Variants in OTUD7A observed in about 807,000 individuals in gnomAD.
OTUD7A encodes the protein OTU domain-containing protein 7A.
In OTUD7A, 12 loss-of-function variants were observed where a neutral mutation model predicts 65.7. The observed-to-expected ratio is 0.18, with a 90% CI of 0.12 to 0.30. The LOEUF (loss-of-function observed/expected upper bound fraction) is 0.30, where lower values mean the gene tolerates loss of function less well. Among genes scored for constraint, OTUD7A ranks in the 10% least tolerant of loss-of-function variants. The pLI is 1.00. For missense variants in OTUD7A, 1,148 were observed against 1,304.8 expected (o/e 0.88, Z 1.85); for synonymous variants, 641 against 586.3 (o/e 1.09, Z -1.35).
chr15:31,479,509 T>TA lies in OTUD7A; in HGVS notation c.*3784dup, dbSNP rs773683665. 2 of 152,238 alleles carry TA rather than the reference T, an allele frequency of 1.3e-5. No homozygotes were observed. The highest frequency in any genetic ancestry group is 2.4e-5 in the African/African-American group (1 of 41,452). The allele number at this position is 152,238 out of a possible 1,614,324, so 9.4% of individuals were successfully genotyped here. On this transcript the variant is annotated 3_prime_UTR_variant, in exon 13 of 13. Coordinates refer to ENST00000307050, the MANE Select transcript of OTUD7A (RefSeq NM_001382637.1). Reference sequence around the variant, plus strand: ...TAAAAGACTCACATGGAATGGAACTTACACACATGGATTTGGAAAAGTCTG... The same window carrying TA: ...TAAAAGACTCACATGGAATGGAACTTAACACACATGGATTTGGAAAAGTCTG...
chr15:31,518,262 A>G lies in OTUD7A; in HGVS notation c.893+8087T>C, dbSNP rs1196678516. Among the ~76,000 whole-genome samples the G allele has an allele frequency of 2.6e-5, 4 of 152,112 alleles. No individual in the cohort carries two copies. In the East Asian group the frequency reaches 7.7e-4, roughly 29 times the overall value. ...GCCGAGGCGGGTGGATCATGAGGTC[A>G]GGAGATCGAGACCATCCTGGCCAAC... On this transcript the variant is annotated intron_variant, in intron 8 of 12. Transcript: ENST00000307050.
chr15:31,607,039 T>A (rs1001848811), intron 3 of OTUD7A, among the ~76,000 whole-genome samples: 1 of 152,110 alleles, frequency 6.6e-6, no homozygotes. Context: ...CTAGGAAACA[T>A]GGCAAAATAT....
intron 3 of OTUD7A, among the ~76,000 whole-genome samples, chr15:31,619,505 T>C (rs1890707689): frequency 6.6e-6 from 1 of 152,080 alleles, no homozygotes; most frequent in African/African-American, 2.4e-5. Context: ...TAAGTTGGAT[T>C]CCTAGGTATT....
chr15:31,857,836 C>T (rs994406525), intron 1 of OTUD7A, among the ~76,000 whole-genome samples: 3 of 152,212 alleles, frequency 2.0e-5, no homozygotes, highest in African/African-American at 7.2e-5. Flanking sequence ...TCTGCTGAGA[C>T]TGCAGCACTG....
intron 1 of OTUD7A, among the ~76,000 whole-genome samples, chr15:31,817,014 A>C (rs1896567025): frequency 6.6e-6 from 1 of 152,148 alleles, no homozygotes; most frequent in Non-Finnish European, 1.5e-5. Flanking sequence ...AATTACAACA[A>C]AATTTCAGAA....
At chr15:31,539,854 T>C (rs1887933221) in intron 5 of OTUD7A, among the ~76,000 whole-genome samples, 1 of 152,206 alleles carries the variant, frequency 6.6e-6, no homozygotes, top group Non-Finnish European at 1.5e-5. Context: ...TAAATACTCA[T>C]CTTCCAATTT....
intron 1 of OTUD7A, among the ~76,000 whole-genome samples, chr15:31,860,677 G>GTGTATATATATATATGTATATATATA (rs560896384): frequency 4.1e-5 from 3 of 73,284 alleles, no homozygotes. Context: ...ATGTATGTGT[G>GTGTATATATATATATGTATATATATA]TATATATATA....
chr15:31,767,718 G>T, intron 1 of OTUD7A: 1 of 716,052 alleles, frequency 1.4e-6, no homozygotes, highest in Non-Finnish European at 2.6e-6. Flanking sequence ...ATTATTTCAT[G>T]TTTTATTTTC....
At chr15:31,515,234 T>C (rs1401840956) in intron 8 of OTUD7A, among the ~76,000 whole-genome samples, 1 of 152,124 alleles carries the variant, frequency 6.6e-6, no homozygotes, top group East Asian at 1.9e-4. Context: ...CAGGTACTAA[T>C]ACTGAGAAGC....
At chr15:31,508,289 A>C (rs1226071243) in intron 8 of OTUD7A, among the ~76,000 whole-genome samples, 1 of 152,116 alleles carries the variant, frequency 6.6e-6, no homozygotes, top group Non-Finnish European at 1.5e-5. Context: ...CTTAGTGGTT[A>C]ACAGCATAAA....
intron 3 of OTUD7A, among the ~76,000 whole-genome samples, chr15:31,634,372 C>A (rs184072206): frequency 1.3e-5 from 2 of 152,192 alleles, no homozygotes; most frequent in Non-Finnish European, 2.9e-5. Context: ...CATGACCTCG[C>A]GTTGGGTGTC....
At chr15:31,834,391 GGTTTT>G (rs767243197) in intron 1 of OTUD7A, among the ~76,000 whole-genome samples, 22 of 152,168 alleles carry the variant, frequency 1.4e-4, no homozygotes, top group Admixed American at 4.6e-4. Flanking sequence ...GCTGGTATAT[GGTTTT>G]GTTTTGTTTT....
At chr15:31,766,066 C>A in intron 1 of OTUD7A, 14 of 1,489,088 alleles carry the variant, frequency 9.4e-6, no homozygotes, top group Non-Finnish European at 1.2e-5. Flanking sequence ...CCAGGACTTT[C>A]AATATGTCCC....
intron 1 of OTUD7A, among the ~76,000 whole-genome samples, chr15:31,838,187 T>C (rs1413003822): frequency 6.6e-6 from 1 of 152,240 alleles, no homozygotes; most frequent in Non-Finnish European, 1.5e-5. Flanking sequence ...TGTAGGAGAA[T>C]ATGTTTTGTA....
rs8032452 is a variant in OTUD7A, at chr15:31,524,694, T to C, written c.893+1655A>G. 3.2e-3 allele frequency among the ~76,000 whole-genome samples: 485 copies of C among 152,288 alleles called. 2 individuals are homozygous for C. The highest frequency in any genetic ancestry group is 0.011 in the African/African-American group (455 of 41,564). On this transcript the variant is annotated intron_variant, in intron 8 of 12. Transcript: ENST00000307050. Reference sequence around the variant, plus strand: ...ATTCCCCGGGTTCTTCCTTCTCTTTTGTGATGTGGCAGCCAGAACTATGGC... The same window carrying C: ...ATTCCCCGGGTTCTTCCTTCTCTTTCGTGATGTGGCAGCCAGAACTATGGC...
At position 31,694,040 on chromosome 15, in the gene OTUD7A, A is replaced by G. The variant is rs192142097; in HGVS notation, c.-99-36963T>C. On this transcript the variant is annotated intron_variant, in intron 1 of 12. Coordinates refer to ENST00000307050, the MANE Select transcript of OTUD7A (RefSeq NM_001382637.1). ...GGGCTCAAGATGAAGGCAGGACTAC[A>G]GGACCAGAGATGCTTCCAGGACTGA... Among the ~76,000 whole-genome samples, 245 of 151,082 alleles carry G rather than the reference A, an allele frequency of 1.6e-3. 1 individual carries two copies. In the East Asian group the frequency reaches 0.017, roughly 11 times the overall value.
chr15:31,738,333 T>C (rs1404337063), intron 1 of OTUD7A, among the ~76,000 whole-genome samples: 1 of 151,822 alleles, frequency 6.6e-6, no homozygotes, highest in Non-Finnish European at 1.5e-5. Context: ...ATCCTAAGTG[T>C]AAAGAGGAGA....
chr15:31,564,211 G>A (rs1053845804), intron 4 of OTUD7A, among the ~76,000 whole-genome samples: 1 of 152,090 alleles, frequency 6.6e-6, no homozygotes, highest in Non-Finnish European at 1.5e-5. Flanking sequence ...ATGAGAACAA[G>A]GTGCAAGAAC....
At chr15:31,672,234 A>G (rs1892501150) in intron 1 of OTUD7A, among the ~76,000 whole-genome samples, 1 of 152,196 alleles carries the variant, frequency 6.6e-6, no homozygotes, top group African/African-American at 2.4e-5. Context: ...CCACAAATCA[A>G]TCTTCCTGGT....
Sources: gnomAD v4.1 joint callset for allele counts (sites outside exome capture counted in the v4.1 genomes callset) on GRCh38, gnomAD v4.1.1 for gene constraint, MANE v1.5 for transcripts, NCBI Gene and HGNC (gene_info 2026-07-23, HGNC 2026-07-21) for gene names.